Variants in SVEP1 observed in about 807,000 individuals in gnomAD.
SVEP1 encodes the protein sushi, von Willebrand factor type A, EGF and pentraxin domain-containing protein 1.
In SVEP1, 164 loss-of-function variants were observed where a neutral mutation model predicts 367.3. The ratio of observed to expected loss-of-function variants is 0.45; its 90% CI spans 0.39 to 0.51. SVEP1 has a LOEUF of 0.51. Ranked by LOEUF, SVEP1 falls within the 20% of genes least tolerant of loss-of-function variation. SVEP1 has a pLI of 0.00. For synonymous variants in SVEP1, 1,666 were observed against 1,611.6 expected (o/e 1.03, Z -0.81); for missense variants, 4,117 against 4,425.3 (o/e 0.93, Z 1.98).
At chr9:110,557,228 T>C (rs1830367026) in intron 1 of SVEP1, among the ~76,000 whole-genome samples, 1 of 152,198 alleles carries the variant, frequency 6.6e-6, no homozygotes, top group South Asian at 2.1e-4. Flanking sequence ...TCCAAGCTTT[T>C]CTTCTACACC....
At chr9:110,369,576 A>ATT (rs68117531) in intron 47 of SVEP1, 5 of 167,638 alleles carry the variant, frequency 3.0e-5, no homozygotes, top group Non-Finnish European at 5.1e-5. Context: ...TATATAACCG[A>ATT]TTTTTTTTAA....
chr9:110,566,791 G>A (rs1346811123), intron 1 of SVEP1, among the ~76,000 whole-genome samples: 1 of 152,158 alleles, frequency 6.6e-6, no homozygotes, highest in Non-Finnish European at 1.5e-5. Context: ...TATGGAGAGA[G>A]GACATGAATT....
At chr9:110,414,986 T>C (rs922618317) in intron 36 of SVEP1, among the ~76,000 whole-genome samples, 1 of 152,008 alleles carries the variant, frequency 6.6e-6, no homozygotes, top group Non-Finnish European at 1.5e-5. Flanking sequence ...TCTGCGTTTC[T>C]CACCAAGGAG....
intron 46 of SVEP1, 95 bp downstream of exon 46, chr9:110,375,273 T>C (rs1827332323): frequency 9.2e-7 from 1 of 1,090,162 alleles, no homozygotes; most frequent in African/African-American, 1.6e-5. Flanking sequence ...TTTTTCATTT[T>C]GCCACCACTT....
chr9:110,498,924 C>A lies in SVEP1; in HGVS notation c.1681+117G>T, dbSNP rs528285130. ...CCTCATAGAGGATATTGGGGTAGCA[C>A]CTAACCATATTATCATGGGTTTGCA... On this transcript the variant is annotated intron_variant, in intron 7 of 47. Transcript: ENST00000374469. 172 of 840,662 alleles carry A rather than the reference C, an allele frequency of 2.0e-4. 1 individual carries two copies. The South Asian group carries it at 4.3e-3, about 21-fold the overall frequency. 52.1% of individuals were successfully genotyped at this position (840,662 alleles called of 1,614,324 possible).
At chr9:110,559,371 G>A (rs890359879) in intron 1 of SVEP1, among the ~76,000 whole-genome samples, 9 of 151,926 alleles carry the variant, frequency 5.9e-5, no homozygotes, top group Middle Eastern at 3.4e-3. Flanking sequence ...GTCTAAGGAG[G>A]AGAAAAGAGA....
intron 23 of SVEP1, 23 bp downstream of exon 23, chr9:110,451,264 CAT>C (rs776371986): frequency 6.4e-7 from 1 of 1,572,820 alleles, no homozygotes; most frequent in Non-Finnish European, 8.7e-7. Flanking sequence ...TTTAAGACAA[CAT>C]AGGAAGACTG....
At chr9:110,549,057 C>T (rs376231720) in intron 2 of SVEP1, among the ~76,000 whole-genome samples, 9 of 152,228 alleles carry the variant, frequency 5.9e-5, no homozygotes, top group African/African-American at 2.2e-4. Context: ...GTTTTCCCCT[C>T]AAACTGAATC....
intron 3 of SVEP1, among the ~76,000 whole-genome samples, chr9:110,538,780 C>T (rs1377393946): frequency 6.6e-6 from 1 of 152,028 alleles, no homozygotes; most frequent in African/African-American, 2.4e-5. Flanking sequence ...TGTCTCTATA[C>T]TTTGTGTCTC....
chr9:110,465,221 T>C (rs1338437215), intron 18 of SVEP1, among the ~76,000 whole-genome samples: 1 of 151,850 alleles, frequency 6.6e-6, no homozygotes, highest in African/African-American at 2.4e-5. Flanking sequence ...AAGCTCTCCA[T>C]GCTGACATTT....
At chr9:110,393,560 A>G (rs1173088776) in intron 40 of SVEP1, among the ~76,000 whole-genome samples, 2 of 152,228 alleles carry the variant, frequency 1.3e-5, no homozygotes, top group African/African-American at 4.8e-5. Context: ...AGAATGAGGC[A>G]TCGCCTCACC....
At chr9:110,404,176 A>G in intron 39 of SVEP1, 151 bp downstream of exon 39, 2 of 705,344 alleles carry the variant, frequency 2.8e-6, no homozygotes, top group Non-Finnish European at 2.3e-6. Context: ...ACATTTTACT[A>G]TATTTTCTAC....
At chr9:110,534,320 C>G (rs1372479173) in intron 3 of SVEP1, among the ~76,000 whole-genome samples, 2 of 152,182 alleles carry the variant, frequency 1.3e-5, no homozygotes, top group Non-Finnish European at 2.9e-5. Context: ...AGGATAATGG[C>G]TTCCAACTCC....
At chr9:110,569,373 T>C (rs1830528312) in intron 1 of SVEP1, among the ~76,000 whole-genome samples, 2 of 150,224 alleles carry the variant, frequency 1.3e-5, no homozygotes, top group African/African-American at 4.9e-5. Context: ...GAAGGATCAC[T>C]TGAACCCGGG....
chr9:110,396,223 C>T (rs1827756270), intron 40 of SVEP1, among the ~76,000 whole-genome samples: 1 of 151,130 alleles, frequency 6.6e-6, no homozygotes, highest in South Asian at 2.1e-4. Flanking sequence ...TACATGGAAA[C>T]TGAACAACCT....
chr9:110,394,226 T>G (rs976156488), intron 40 of SVEP1, among the ~76,000 whole-genome samples: 1 of 152,078 alleles, frequency 6.6e-6, no homozygotes, highest in African/African-American at 2.4e-5. Context: ...CACCCTCTGC[T>G]GCTGATACCC....
At chr9:110,496,755 A>G (rs1490928147) in intron 8 of SVEP1, 60 bp downstream of exon 8, 1 of 1,248,314 alleles carries the variant, frequency 8.0e-7, no homozygotes, top group Middle Eastern at 1.9e-4. Flanking sequence ...TTCAACACAC[A>G]TATCTGCAGT....
chr9:110,520,361 G>C (rs562599221), intron 3 of SVEP1, among the ~76,000 whole-genome samples: 1 of 152,104 alleles, frequency 6.6e-6, no homozygotes, highest in Non-Finnish European at 1.5e-5. Context: ...TCTCCGTAAA[G>C]GGCTATGAAT....
Position 110,458,458 on chromosome 9 carries a change from A to G in SVEP1, c.3576+13T>C, listed in dbSNP as rs117900161. The G allele has an allele frequency of 0.014, 22,805 of 1,607,634 alleles. 212 individuals carry two copies. The highest frequency in any genetic ancestry group is 0.017 in the Non-Finnish European group (19,417 of 1,176,630). On this transcript the variant is annotated intron_variant, in intron 20 of 47. Transcript: ENST00000374469. ...CATTCCACTAGAGAACAGTTTATGC[A>G]AAATGAACTTGCCTGACTGCTGATT...
Sources: gnomAD v4.1 joint callset for allele counts (sites outside exome capture counted in the v4.1 genomes callset) on GRCh38, gnomAD v4.1.1 for gene constraint, MANE v1.5 for transcripts, NCBI Gene and HGNC (gene_info 2026-07-23, HGNC 2026-07-21) for gene names.